Variants in IP6K1 observed in about 807,000 individuals in gnomAD.
The protein encoded by IP6K1 is inositol hexakisphosphate kinase 1.
In IP6K1, 13 loss-of-function variants were observed where a neutral mutation model predicts 38.3. That is an observed-to-expected ratio of 0.34 (90% CI 0.22 to 0.54). The LOEUF (loss-of-function observed/expected upper bound fraction) is 0.54, where lower values mean the gene tolerates loss of function less well. Ranked by LOEUF, IP6K1 falls within the 20% of genes least tolerant of loss-of-function variation. The probability of loss-of-function intolerance (pLI) is 0.92; values close to 1 mark genes in which losing one functional copy is unlikely to be tolerated. For synonymous variants in IP6K1, 212 were observed against 229.9 expected, an observed-to-expected ratio of 0.92 and a Z score of 0.70; for missense variants, 397 against 599.8, an observed-to-expected ratio of 0.66 and a Z score of 3.53.
intron 3 of IP6K1, among the ~76,000 whole-genome samples, chr3:49,735,037 T>A (rs1341134305): frequency 6.6e-6 from 1 of 152,176 alleles, no homozygotes; most frequent in Non-Finnish European, 1.5e-5. Context: ...AAGCAACCTC[T>A]GTACCTTTGG....
At chr3:49,739,107 A>C (rs979715018) in intron 2 of IP6K1, among the ~76,000 whole-genome samples, 1 of 152,182 alleles carries the variant, frequency 6.6e-6, no homozygotes, top group Admixed American at 6.6e-5. Flanking sequence ...ATACAATTTA[A>C]AAATACATAT....
chr3:49,757,665 A>C (rs557869587), intron 1 of IP6K1, among the ~76,000 whole-genome samples: 1 of 152,166 alleles, frequency 6.6e-6, no homozygotes, highest in Non-Finnish European at 1.5e-5. Flanking sequence ...GGTTGCAGTG[A>C]GCCAAGATTG....
At chr3:49,775,688 C>A in intron 1 of IP6K1, 2 of 474,570 alleles carry the variant, frequency 4.2e-6, no homozygotes, top group Non-Finnish European at 7.2e-6. Flanking sequence ...CTACTCCCGG[C>A]AGAAAGGGAG....
At chr3:49,767,014 TAC>T (rs2080918480) in intron 1 of IP6K1, among the ~76,000 whole-genome samples, 1 of 136,232 alleles carries the variant, frequency 7.3e-6, no homozygotes, top group South Asian at 2.4e-4. Flanking sequence ...CCTGAAATCC[TAC>T]AGTTTTGGGA....
chr3:49,740,098 G>A (rs1393583014), intron 2 of IP6K1, among the ~76,000 whole-genome samples: 2 of 152,064 alleles, frequency 1.3e-5, no homozygotes, highest in African/African-American at 2.4e-5. Flanking sequence ...AGGCAGGACT[G>A]CTTGAACACA....
Position 49,731,064 on chromosome 3 carries a change from G to A in IP6K1, c.616+1727C>T, listed in dbSNP as rs1245905424. 2.7e-5 allele frequency among the ~76,000 whole-genome samples: 4 copies of A among 150,922 alleles called. No homozygotes were observed. The South Asian group carries it at 6.3e-4, about 24-fold the overall frequency. ...CCAGTGAATGAGAGAGAGAGATCTC[G>A]TTCACTGGTTTCAAATTTATATATA... On this transcript the variant is annotated intron_variant, in intron 4 of 5. Coordinates refer to ENST00000321599, the MANE Select transcript of IP6K1 (RefSeq NM_153273.4).
Position 49,732,924 on chromosome 3 carries a change from C to G in IP6K1, c.483G>C (p.Glu161Asp), listed in dbSNP as rs190777746. 3.1e-6 allele frequency: 5 copies of G among 1,614,080 alleles called. No individual in the cohort carries two copies. The highest frequency in any genetic ancestry group is 3.4e-6 in the Non-Finnish European group (4 of 1,179,940). Residue 161 changes from glutamate (E) to aspartate (D), a missense_variant, in exon 4 of 6, where the codon GAG (glutamate) becomes GAC (aspartate). This residue lies in a region of IP6K1 where 171 missense variants were observed against 237.0 expected (regional missense o/e 0.72). Coordinates refer to ENST00000321599, the MANE Select transcript of IP6K1 (RefSeq NM_153273.4). Reference sequence around the variant, plus strand: ...TGCCATCTAGCATCTGGAAAGGGACCTCTGAGTGGCTGTGCAGCTCCACCT... The same window carrying G: ...TGCCATCTAGCATCTGGAAAGGGACGTCTGAGTGGCTGTGCAGCTCCACCT... ...SPKVELHSHS[E>D]VPFQMLDGNS...
Position 49,726,328 on chromosome 3 carries a change from T to C in IP6K1, c.*794A>G, listed in dbSNP as rs756477223. 2.0e-5 allele frequency: 3 copies of C among 152,724 alleles called. No individual in the cohort carries two copies. Among genetic ancestry groups the C allele is most frequent in the Admixed American group, 6.5e-5 (1 of 15,292 alleles). The allele number at this position is 152,724 out of a possible 1,614,324, so 9.5% of individuals were successfully genotyped here. A position where few individuals can be genotyped will look rare whatever the true frequency, so the allele number is the denominator to read the frequency against. ...CCACCCATAGCACAAGAACTGCAAA[T>C]ACTGTCTGGGCCAGAGCCACCAGAG... On this transcript the variant is annotated 3_prime_UTR_variant, in exon 6 of 6. Coordinates refer to ENST00000321599, the MANE Select transcript of IP6K1 (RefSeq NM_153273.4).
chr3:49,756,848 A>G (rs1230234420), intron 1 of IP6K1, among the ~76,000 whole-genome samples: 3 of 149,294 alleles, frequency 2.0e-5, no homozygotes, highest in African/African-American at 7.3e-5. Flanking sequence ...AAAAGAAAAA[A>G]GAAAGAAAGG....
At chr3:49,771,583 C>G (rs1048831525) in intron 1 of IP6K1, among the ~76,000 whole-genome samples, 1 of 152,168 alleles carries the variant, frequency 6.6e-6, no homozygotes, top group African/African-American at 2.4e-5. Flanking sequence ...ACAACCACAA[C>G]TCTCATACAT....
intron 1 of IP6K1, among the ~76,000 whole-genome samples, chr3:49,774,425 A>AAG (rs1312836814): frequency 6.6e-6 from 1 of 151,020 alleles, no homozygotes; most frequent in African/African-American, 2.4e-5. Flanking sequence ...AAAAAAAAAA[A>AAG]AAAAGAAAAA....
chr3:49,785,734 G>T (rs2081107465), intron 1 of IP6K1: 1 of 152,186 alleles, frequency 6.6e-6, no homozygotes, highest in African/African-American at 2.4e-5. Context: ...AAGAACCAAA[G>T]AAATTATGTT....
chr3:49,734,704 A>G (rs1326354385), intron 3 of IP6K1, among the ~76,000 whole-genome samples: 1 of 152,216 alleles, frequency 6.6e-6, no homozygotes, highest in African/African-American at 2.4e-5. Flanking sequence ...TGCTGAGGCC[A>G]TTCAAAGATG....
chr3:49,741,916 T>C (rs1014973751), intron 2 of IP6K1, among the ~76,000 whole-genome samples: 3 of 152,190 alleles, frequency 2.0e-5, no homozygotes, highest in Non-Finnish European at 4.4e-5. Flanking sequence ...TCTCTAGCAC[T>C]GGTTCAGTAT....
At chr3:49,737,547 G>A (rs2080623422) in intron 3 of IP6K1, among the ~76,000 whole-genome samples, 1 of 152,128 alleles carries the variant, frequency 6.6e-6, no homozygotes. Flanking sequence ...TTAGCTGGGT[G>A]TGGTGGTGCA....
intron 4 of IP6K1, among the ~76,000 whole-genome samples, chr3:49,729,012 G>A (rs1054335100): frequency 5.3e-5 from 8 of 149,986 alleles, no homozygotes; most frequent in African/African-American, 2.0e-4. Flanking sequence ...GGAATGCAAT[G>A]GCGCCATCTC....
intron 1 of IP6K1, among the ~76,000 whole-genome samples, chr3:49,755,499 C>T (rs2080814016): frequency 6.6e-6 from 1 of 152,066 alleles, no homozygotes; most frequent in South Asian, 2.1e-4. Context: ...ATTCTGGCAA[C>T]AGTATTTTTG....
intron 1 of IP6K1, among the ~76,000 whole-genome samples, chr3:49,772,433 T>C (rs1028656997): frequency 6.6e-6 from 1 of 151,686 alleles, no homozygotes; most frequent in Non-Finnish European, 1.5e-5. Context: ...GACAGGGTCT[T>C]ACTCTGTTAC....
At chr3:49,777,897 G>C (rs1179103092) in intron 1 of IP6K1, among the ~76,000 whole-genome samples, 2 of 151,030 alleles carry the variant, frequency 1.3e-5, no homozygotes, top group African/African-American at 2.4e-5. Context: ...CTGGGCGACA[G>C]AGCGAGACTC....
Sources: gnomAD v4.1 joint callset for allele counts (sites outside exome capture counted in the v4.1 genomes callset) on GRCh38, gnomAD v4.1.1 for gene constraint, gnomAD v4.1.1 regional missense constraint, MANE v1.5 for transcripts, NCBI Gene and HGNC (gene_info 2026-07-23, HGNC 2026-07-21) for gene names.